Variants in BRCA2 observed in about 807,000 individuals in gnomAD.
The protein encoded by BRCA2 is breast cancer type 2 susceptibility protein.
Under a neutral mutation model 276.7 loss-of-function variants are expected in BRCA2, and 203 were observed. That is an observed-to-expected ratio of 0.73 (90% CI 0.65 to 0.82). The LOEUF is 0.82. BRCA2 is among the 40% of genes least tolerant of loss of function. The pLI is 0.00. For missense variants in BRCA2, 3,920 were observed against 3,915.0 expected, an observed-to-expected ratio of 1.00 and a Z score of -0.03; for synonymous variants, 1,289 against 1,338.4, an observed-to-expected ratio of 0.96 and a Z score of 0.81.
intron 24 of BRCA2, among the ~76,000 whole-genome samples, chr13:32,382,317 G>C (rs1182543660): frequency 6.6e-6 from 1 of 152,184 alleles, no homozygotes; most frequent in African/African-American, 2.4e-5. Context: ...GGAGTAGATA[G>C]AGACGGGAAG....
intron 13 of BRCA2, among the ~76,000 whole-genome samples, chr13:32,347,119 A>C (rs1445607778): frequency 6.6e-6 from 1 of 152,106 alleles, no homozygotes; most frequent in Non-Finnish European, 1.5e-5. Flanking sequence ...ATTTTATTCT[A>C]ATTTTATGGA....
chr13:32,393,164 C>T lies in BRCA2; in HGVS notation c.9257-1525C>T, dbSNP rs142072746. ...TAATCTGCTGGGTTTCTCCTCTGTA[C>T]AATAACTTCCTTTTTCTTTGTAGTT... is the stretch of plus-strand genomic sequence containing the variant. On this transcript the variant is annotated intron_variant, in intron 24 of 26. Transcript: ENST00000380152. 1.4e-4 allele frequency among the ~76,000 whole-genome samples: 22 copies of T among 152,262 alleles called. No homozygotes were observed. In the South Asian group the frequency reaches 4.6e-3, roughly 32 times the overall value.
At chr13:32,367,723 A>C (rs1439159735) in intron 18 of BRCA2, among the ~76,000 whole-genome samples, 1 of 152,038 alleles carries the variant, frequency 6.6e-6, no homozygotes, top group African/African-American at 2.4e-5. Flanking sequence ...TGAGCCCAGG[A>C]GGCAGAGGTT....
At chr13:32,317,420 G>A (rs761539257) in intron 2 of BRCA2, among the ~76,000 whole-genome samples, 3 of 152,022 alleles carry the variant, frequency 2.0e-5, no homozygotes, top group Non-Finnish European at 4.4e-5. Flanking sequence ...TTTGGTAGAA[G>A]TATGTGAAAA....
chr13:32,367,965 G>A (rs1361539167), intron 18 of BRCA2, among the ~76,000 whole-genome samples: 3 of 139,374 alleles, frequency 2.2e-5, no homozygotes, highest in Admixed American at 7.3e-5. Context: ...TAACCATTTC[G>A]CAACCCTCAA....
rs1555282812 is a variant in BRCA2 at position 32,337,083 on chromosome 13, C to T, written c.2728C>T (p.His910Tyr). The T allele has an allele frequency of 6.2e-7, 1 of 1,611,756 alleles. No homozygotes were observed. Among genetic ancestry groups the T allele is most frequent in the Non-Finnish European group, 8.5e-7 (1 of 1,179,460 alleles). ...NLALGNTKEL[H>Y]ETDLTCVNEP... is the part of the protein sequence containing the mutation. ...TGCTTTAGGAAATACTAAGGAACTT[C>T]ATGAAACAGACTTGACTTGTGTAAA... The change falls in exon 11 of 27, where the codon CAT becomes TAT. Residue 910 changes from histidine (H) to tyrosine (Y), a missense_variant. Coordinates refer to ENST00000380152, the MANE Select transcript of BRCA2 (RefSeq NM_000059.4).
Position 32,337,774 on chromosome 13 carries a change from G to A in BRCA2, c.3419G>A (p.Ser1140Asn), listed in dbSNP as rs80358585. ...AAACCAAGCTACATATTGCAGAAGA[G>A]TACATTTGAAGTGCCTGAAAACCAG... The part of the protein sequence containing the change: ...FRKPSYILQK[S>N]TFEVPENQMT... Residue 1140 changes from serine to asparagine, a missense_variant, in exon 11 of 27, where the codon AGT (serine) becomes AAT (asparagine). Physicochemically the swap from Ser to Asn is conservative, Grantham distance 46. This residue lies in a region of BRCA2 where 3,263 missense variants were observed against 3,156.9 expected (regional missense o/e 1.03). Transcript: ENST00000380152. The A allele has an allele frequency of 1.9e-6, 3 of 1,614,018 alleles. No homozygotes were observed. The highest frequency in any genetic ancestry group is 2.5e-6 in the Non-Finnish European group (3 of 1,179,952).
At chr13:32,372,886 G>C (rs766748087) in intron 20 of BRCA2, among the ~76,000 whole-genome samples, 2 of 152,102 alleles carry the variant, frequency 1.3e-5, no homozygotes, top group Admixed American at 6.5e-5. Context: ...AGATACAATG[G>C]GGGTACAGGC....
At chr13:32,385,512 A>C in intron 24 of BRCA2, 1 of 225,080 alleles carries the variant, frequency 4.4e-6, no homozygotes, top group East Asian at 1.1e-4. Context: ...CCTTGCAGGC[A>C]ACTCCCACTT....
Position 32,337,464 on chromosome 13 carries a change from C to A in BRCA2, c.3109C>A (p.Gln1037Lys), listed in dbSNP as rs80358557. 6.2e-7 allele frequency: 1 copy of A among 1,612,256 alleles called. No individual in the cohort carries two copies. Reference sequence around the variant, plus strand: ...AATGTTCTTCAAAGATATTGAAGAACAATATCCTACTAGTTTAGCTTGTGT... The same window carrying A: ...AATGTTCTTCAAAGATATTGAAGAAAAATATCCTACTAGTTTAGCTTGTGT... ...SKMFFKDIEE[Q>K]YPTSLACVEI... Residue 1037 changes from glutamine (Q) to lysine (K), a missense_variant, in exon 11 of 27, where the codon CAA becomes AAA. Transcript: ENST00000380152.
intron 10 of BRCA2, among the ~76,000 whole-genome samples, chr13:32,335,357 A>G (rs1159062339): frequency 2.6e-5 from 4 of 152,094 alleles, no homozygotes; most frequent in East Asian, 1.9e-4. Context: ...AAAAAAAAAA[A>G]AAAAAAGCTA....
At chr13:32,368,801 T>G (rs887824017) in intron 18 of BRCA2, among the ~76,000 whole-genome samples, 11 of 147,360 alleles carry the variant, frequency 7.5e-5, no homozygotes, top group African/African-American at 1.2e-4. Flanking sequence ...TTTTTTTGTT[T>G]TTTTTTTGGT....
rs188425589 is a variant in BRCA2, at chr13:32,316,292, C to G, written c.-39-130C>G. 42 of 690,884 alleles carry G rather than the reference C, an allele frequency of 6.1e-5. 1 individual carries two copies. The East Asian group carries it at 7.9e-4, about 13-fold the overall frequency. The allele number at this position is 690,884 out of a possible 1,614,324, so 42.8% of individuals were successfully genotyped here. A position where few individuals can be genotyped will look rare whatever the true frequency, so the allele number is the denominator to read the frequency against. On this transcript the variant is annotated intron_variant, in intron 1 of 26. Transcript: ENST00000380152. ...AAAATGTTCCCATCCTCACAGTAAG[C>G]TGTTACCGTTCCAGGAGATGGGACT...
intron 26 of BRCA2, among the ~76,000 whole-genome samples, chr13:32,397,285 T>C (rs2073043634): frequency 6.6e-6 from 1 of 152,232 alleles, no homozygotes; most frequent in African/African-American, 2.4e-5. Context: ...AAAGTGTTTT[T>C]TGTCATTTAT....
chr13:32,363,512 C>T lies in BRCA2; in HGVS notation c.8310C>T (p.Ala2770=), dbSNP rs2137582883. Residue 2770 remains alanine, a synonymous_variant, in exon 18 of 27, where the codon GCC becomes GCT. Coordinates refer to ENST00000380152, the MANE Select transcript of BRCA2 (RefSeq NM_000059.4). ...GSPDACTPLE[A]PESLMLKISA... is the part of the protein sequence containing the mutation. ...CTGATGCCTGTACACCTCTTGAAGC[C>T]CCAGAATCTCTTATGTTAAAGGTAA... 1 of 1,613,578 alleles carries T rather than the reference C, an allele frequency of 6.2e-7. No individual in the cohort carries two copies. The highest frequency in any genetic ancestry group is 8.5e-7 in the Non-Finnish European group (1 of 1,179,614).
chr13:32,359,243 A>T (rs1417225789), intron 16 of BRCA2, among the ~76,000 whole-genome samples: 7 of 139,216 alleles, frequency 5.0e-5, no homozygotes. Context: ...AAAAAAAAAA[A>T]GAAAGTTAAA....
chr13:32,364,122 G>A (rs1398445664), intron 18 of BRCA2, among the ~76,000 whole-genome samples: 1 of 152,140 alleles, frequency 6.6e-6, no homozygotes, highest in African/African-American at 2.4e-5. Context: ...TTTGGCATTA[G>A]TTCCATGTTG....
chr13:32,390,465 A>G (rs2072989425), intron 24 of BRCA2, among the ~76,000 whole-genome samples: 1 of 152,152 alleles, frequency 6.6e-6, no homozygotes, highest in African/African-American at 2.4e-5. Flanking sequence ...TTAAAACATA[A>G]TAATAAAACA....
intron 15 of BRCA2, 59 bp from the exon 16 acceptor site, chr13:32,357,683 G>A (rs276174895): frequency 2.6e-6 from 4 of 1,539,088 alleles, no homozygotes; most frequent in Non-Finnish European, 3.6e-6. Context: ...TGTTTTTATT[G>A]TGTGATACAT....
Sources: allele counts gnomAD v4.1 joint callset (sites outside exome capture counted in the v4.1 genomes callset), GRCh38; gene constraint gnomAD v4.1.1; regional missense constraint gnomAD v4.1.1; transcripts MANE v1.5; gene names NCBI Gene and HGNC (gene_info 2026-07-23, HGNC 2026-07-21).